GJA5: variants seen among roughly 807,000 people sequenced by gnomAD.
GJA5 encodes gap junction alpha-5 protein.
In GJA5, 3 loss-of-function variants were observed where a neutral mutation model predicts 7.9. The observed-to-expected ratio is 0.38, with a 90% CI of 0.17 to 0.99. The LOEUF (loss-of-function observed/expected upper bound fraction) is 0.99. Among genes scored for constraint, GJA5 ranks in the 50% least tolerant of loss-of-function variants. The probability of loss-of-function intolerance (pLI) is 0.38; values close to 1 mark genes in which losing one functional copy is unlikely to be tolerated. For synonymous variants in GJA5, 193 were observed against 181.0 expected (o/e 1.07, Z -0.53); for missense variants, 390 against 457.9 (o/e 0.85, Z 1.35).
At chr1:147,767,101 C>T (rs1365610974) in intron 1 of GJA5, among the ~76,000 whole-genome samples, 1 of 152,130 alleles carries the variant, frequency 6.6e-6, no homozygotes, top group African/African-American at 2.4e-5. Context: ...TTCCTCTCAC[C>T]CCAATAATTT....
In GJA5 at chr1:147,759,257, C is replaced by CA; in HGVS notation, c.-20dup. 6.5e-7 allele frequency: 1 copy of CA among 1,528,464 alleles called. No homozygotes were observed. The highest frequency in any genetic ancestry group is 9.1e-7 in the Non-Finnish European group (1 of 1,102,674). 94.7% of individuals were successfully genotyped at this position (1,528,464 alleles called of 1,614,324 possible). ...CGCCCATCTTGGCACAGCCAGGGAA[C>CA]AGATGCCAAAACTTCTGCAAATGGG... On this transcript the variant is annotated 5_prime_UTR_variant, in exon 2 of 2. Transcript: ENST00000579774.
At chr1:147,768,408 A>G (rs1424208694) in intron 1 of GJA5, among the ~76,000 whole-genome samples, 1 of 152,196 alleles carries the variant, frequency 6.6e-6, no homozygotes, top group Non-Finnish European at 1.5e-5. Flanking sequence ...AAGAAAAAAT[A>G]TGAAAAGTGA....
rs1327493709 is a variant in GJA5 at position 147,757,289 on chromosome 1, C to T, written c.*873G>A. 6.6e-6 allele frequency: 1 copy of T among 152,182 alleles called. No individual in the cohort carries two copies. The highest frequency in any genetic ancestry group is 1.5e-5 in the Non-Finnish European group (1 of 68,104). The allele number at this position is 152,182 out of a possible 1,614,324, so 9.4% of individuals were successfully genotyped here. ...TGGATATTCCTGTTGGTAAGGCCTTCAGGGAATGGCTGGGTGAACAGCCAA... is the reference window on the plus strand; with the variant it reads ...TGGATATTCCTGTTGGTAAGGCCTTTAGGGAATGGCTGGGTGAACAGCCAA... On this transcript the variant is annotated 3_prime_UTR_variant, in exon 2 of 2. Coordinates refer to ENST00000579774, the MANE Select transcript of GJA5 (RefSeq NM_181703.4).
chr1:147,767,590 G>GT (rs1188677450), intron 1 of GJA5, among the ~76,000 whole-genome samples: 22 of 149,946 alleles, frequency 1.5e-4, no homozygotes, highest in African/African-American at 4.6e-4. Context: ...TAGAGATGGG[G>GT]TTTTGTCCTG....
At position 147,758,771 on chromosome 1, in the gene GJA5, G is replaced by A; in HGVS notation, c.468C>T (p.Ser156=). Residue 156 remains serine (S), a synonymous_variant, in exon 2 of 2, where the codon AGC becomes AGT. Coordinates refer to ENST00000579774, the MANE Select transcript of GJA5 (RefSeq NM_181703.4). ...QGTLLNTYVC[S]ILIRTTMEVG... The stretch of plus-strand genomic sequence containing the variant: ...CCTCCATGGTGGTGCGGATCAGGAT[G>A]CTGCACACATAGGTGTTGAGCAGAG... 1.2e-6 allele frequency: 2 copies of A among 1,614,102 alleles called. No individual in the cohort carries two copies. Among genetic ancestry groups the A allele is most frequent in the Non-Finnish European group, 1.7e-6 (2 of 1,179,918 alleles).
chr1:147,772,872 G>T (rs587775977), intron 1 of GJA5, among the ~76,000 whole-genome samples: 1 of 150,686 alleles, frequency 6.6e-6, no homozygotes, highest in Admixed American at 6.6e-5. Flanking sequence ...CAGAAGCATC[G>T]TAAAACAGTG....
intron 1 of GJA5, among the ~76,000 whole-genome samples, chr1:147,767,368 C>T (rs1261201878): frequency 1.3e-5 from 2 of 151,732 alleles, no homozygotes; most frequent in East Asian, 3.9e-4. Flanking sequence ...CTCACAACAG[C>T]CTGAGGAAGT....
chr1:147,768,585 C>T (rs1664290653), intron 1 of GJA5, among the ~76,000 whole-genome samples: 1 of 152,142 alleles, frequency 6.6e-6, no homozygotes, highest in Non-Finnish European at 1.5e-5. Context: ...ATTTATAGTG[C>T]AGTAGAGCTG....
chr1:147,769,673 A>G (rs1459515555), intron 1 of GJA5, among the ~76,000 whole-genome samples: 1 of 152,124 alleles, frequency 6.6e-6, no homozygotes, highest in Non-Finnish European at 1.5e-5. Flanking sequence ...TGGCACAGGT[A>G]AAAGAGGGTA....
upstream of GJA5, among the ~76,000 whole-genome samples, chr1:147,762,596 A>G (rs1317975897): frequency 2.0e-5 from 3 of 152,208 alleles, no homozygotes; most frequent in Non-Finnish European, 2.9e-5. Context: ...CTGAGGAGGT[A>G]TAGGGGTGAG....
upstream of GJA5, among the ~76,000 whole-genome samples, chr1:147,764,064 G>A (rs1213611993): frequency 2.0e-5 from 3 of 152,066 alleles, no homozygotes; most frequent in African/African-American, 7.2e-5. Flanking sequence ...TCCCGCCTTG[G>A]CCTCCCAAAG....
At position 147,758,967 on chromosome 1, in the gene GJA5, A is replaced by C; in HGVS notation, c.272T>G (p.Val91Gly). 1 of 1,614,172 alleles carries C rather than the reference A, an allele frequency of 6.2e-7. No homozygotes were observed. The highest frequency in any genetic ancestry group is 8.5e-7 in the Non-Finnish European group (1 of 1,180,020). Residue 91 changes from valine to glycine, a missense_variant, in exon 2 of 2, where the codon GTG becomes GGG. This residue lies in a region of GJA5 where 354 missense variants were observed against 370.9 expected (regional missense o/e 0.95). Transcript: ENST00000579774. ...QIIFVSTPSL[V>G]YMGHAMHTVR... ...AGTGTGCATGGCGTGGCCCATGTAC[A>C]CCAGAGAGGGCGTGGAGACGAAGAT...
At chr1:147,769,845 G>A (rs1354854670) in intron 1 of GJA5, among the ~76,000 whole-genome samples, 1 of 152,046 alleles carries the variant, frequency 6.6e-6, no homozygotes, top group Non-Finnish European at 1.5e-5. Context: ...TTCAAGTCCA[G>A]CATGCCTCCT....
intron 1 of GJA5, among the ~76,000 whole-genome samples, chr1:147,769,919 A>C (rs782504828): frequency 1.3e-5 from 2 of 151,786 alleles, no homozygotes; most frequent in Admixed American, 6.6e-5. Flanking sequence ...ATATTATAAA[A>C]TGTATGCCTC....
chr1:147,761,444 G>A (rs1417099601), upstream of GJA5, among the ~76,000 whole-genome samples: 3 of 152,076 alleles, frequency 2.0e-5, no homozygotes, highest in African/African-American at 7.2e-5. Context: ...CCAACCTCCT[G>A]GCCCTGTATT....
At chr1:147,759,403 T>G in intron 1 of GJA5, 132 bp from the exon 2 acceptor site, 2 of 609,646 alleles carry the variant, frequency 3.3e-6, no homozygotes, top group African/African-American at 1.8e-5. Flanking sequence ...AACTTAGAAG[T>G]CAAAGCAACC....
chr1:147,758,900 C>T lies in GJA5; in HGVS notation c.339G>A (p.Arg113=), dbSNP rs375331306. 2 of 1,614,116 alleles carry T rather than the reference C, an allele frequency of 1.2e-6. No individual in the cohort carries two copies. The highest frequency in any genetic ancestry group is 1.7e-6 in the Non-Finnish European group (2 of 1,180,054). Residue 113 remains arginine (R), a synonymous_variant, in exon 2 of 2, where the codon AGG becomes AGA. Transcript: ENST00000579774. ...QEKRKLREAE[R]AKEVRGSGSY... ...AGCCAGAGCCCCGGACCTCTTTGGC[C>T]CTCTCGGCCTCCCGTAGCTTGCGCT... is the stretch of plus-strand genomic sequence containing the variant.
In GJA5 at chr1:147,759,262, G is replaced by A. The variant is rs781879341; in HGVS notation, c.-24C>T. 17 of 1,480,830 alleles carry A rather than the reference G, an allele frequency of 1.1e-5. No homozygotes were observed. The highest frequency in any genetic ancestry group is 1.6e-5 in the Non-Finnish European group (17 of 1,059,412). The allele number at this position is 1,480,830 out of a possible 1,614,324, so 91.7% of individuals were successfully genotyped here. A position where few individuals can be genotyped will look rare whatever the true frequency, so the allele number is the denominator to read the frequency against. On this transcript the variant is annotated 5_prime_UTR_variant, in exon 2 of 2. Coordinates refer to ENST00000579774, the MANE Select transcript of GJA5 (RefSeq NM_181703.4). ...ATCTTGGCACAGCCAGGGAACAGAT[G>A]CCAAAACTTCTGCAAATGGGAGAGA...
chr1:147,761,203 C>T (rs587722526), upstream of GJA5, among the ~76,000 whole-genome samples: 117 of 152,270 alleles, frequency 7.7e-4, no homozygotes, highest in African/African-American at 2.6e-3. Context: ...ACAAACGTCT[C>T]GGAGGGAATG....
Sources: gnomAD v4.1 joint callset for allele counts (sites outside exome capture counted in the v4.1 genomes callset) on GRCh38, gnomAD v4.1.1 for gene constraint, gnomAD v4.1.1 regional missense constraint, MANE v1.5 for transcripts, NCBI Gene and HGNC (gene_info 2026-07-23, HGNC 2026-07-21) for gene names.